The following NCOA5 variants were observed in gnomAD, a reference collection of about 807,000 sequenced individuals.
NCOA5 encodes the protein nuclear receptor coactivator 5.
NCOA5 carries 12 observed loss-of-function variants against 59.0 expected under a neutral mutation model. That is an observed-to-expected ratio of 0.20 (90% confidence interval 0.13 to 0.33). The LOEUF is 0.33. Ranked by LOEUF, NCOA5 falls within the 10% of genes least tolerant of loss-of-function variation. The pLI is 1.00. For missense variants in NCOA5, 655 were observed against 766.6 expected (o/e 0.85, Z 1.72); for synonymous variants, 270 against 275.5 (o/e 0.98, Z 0.20).
chr20:46,068,090 C>G lies in NCOA5; in HGVS notation c.502+412G>C, dbSNP rs1345458036. Among the ~76,000 whole-genome samples, 7 of 152,050 alleles carry G rather than the reference C, an allele frequency of 4.6e-5. No individual in the cohort carries two copies. In the East Asian group the frequency reaches 1.4e-3, roughly 29 times the overall value. On this transcript the variant is annotated intron_variant, in intron 4 of 7. Transcript: ENST00000290231. ...GGACTACAGGTGTGCACCACTGCAC[C>G]AAGACAATTTTTGTATTTTTTTTTG...
chr20:46,088,993 G>C (rs1266593926), intron 1 of NCOA5, among the ~76,000 whole-genome samples: 1 of 152,206 alleles, frequency 6.6e-6, no homozygotes, highest in Middle Eastern at 3.4e-3. Flanking sequence ...TATTTAAGGA[G>C]AAAAAAAGAG....
intron 1 of NCOA5, among the ~76,000 whole-genome samples, chr20:46,084,551 C>T (rs890522539): frequency 3.3e-5 from 5 of 152,284 alleles, no homozygotes; most frequent in South Asian, 2.1e-4. Flanking sequence ...ACAACTCTTC[C>T]GACAAAAATT....
At chr20:46,070,605 T>A (rs534373737) in intron 2 of NCOA5, 69 bp from the exon 3 acceptor site, 1 of 1,452,956 alleles carries the variant, frequency 6.9e-7, no homozygotes. Flanking sequence ...GCTCTTCATA[T>A]GAGAAAACCC....
chr20:46,065,024 T>C lies in NCOA5; in HGVS notation c.829+5A>G. On this transcript the variant is annotated splice_donor_5th_base_variant and intron_variant, in intron 6 of 7. Coordinates refer to ENST00000290231, the MANE Select transcript of NCOA5 (RefSeq NM_020967.3). ...GTGACTACCTCCGGTATTCTGACTC[T>C]GTACCTTGCGGGGTTCCAAACATGA... is the stretch of plus-strand genomic sequence containing the variant. 6.2e-7 allele frequency: 1 copy of C among 1,614,114 alleles called. No individual in the cohort carries two copies. Among genetic ancestry groups the C allele is most frequent in the East Asian group, 2.2e-5 (1 of 44,886 alleles).
intron 2 of NCOA5, among the ~76,000 whole-genome samples, chr20:46,070,876 G>A (rs1297639949): frequency 6.6e-6 from 1 of 152,122 alleles, no homozygotes; most frequent in Admixed American, 6.5e-5. Flanking sequence ...GAGTGACAGA[G>A]TAAGGAGGCA....
At position 46,070,453 on chromosome 20, in the gene NCOA5, T is replaced by C; in HGVS notation, c.122A>G (p.Asp41Gly). 1 of 1,614,136 alleles carries C rather than the reference T, an allele frequency of 6.2e-7. No homozygotes were observed. Among genetic ancestry groups the C allele is most frequent in the Non-Finnish European group, 8.5e-7 (1 of 1,180,024 alleles). ...CCGGGCATCCCGGCCATTTCTGCCATCCCTGGGCTCTCTCCTTGGACTTCC... is the reference window on the plus strand; with the variant it reads ...CCGGGCATCCCGGCCATTTCTGCCACCCCTGGGCTCTCTCCTTGGACTTCC... ...IRGSPRREPR[D>G]GRNGRDARDS... The change falls in exon 3 of 8, where the codon GAT becomes GGT. Residue 41 changes from aspartate (D) to glycine (G), a missense_variant. By Grantham distance (94) the Asp-to-Gly change is moderately conservative. This residue lies in a region of NCOA5 where 250 missense variants were observed against 260.1 expected (regional missense o/e 0.96). Coordinates refer to ENST00000290231, the MANE Select transcript of NCOA5 (RefSeq NM_020967.3).
rs374995897 is a variant in NCOA5, at chr20:46,065,006, C to T, written c.829+23G>A. ...AGGACTAATAATGGACTAGTGACTACCTCCGGTATTCTGACTCTGTACCTT... is the reference window on the plus strand; with the variant it reads ...AGGACTAATAATGGACTAGTGACTATCTCCGGTATTCTGACTCTGTACCTT... On this transcript the variant is annotated intron_variant, in intron 6 of 7. Transcript: ENST00000290231. The T allele has an allele frequency of 3.6e-4, 574 of 1,613,064 alleles. 1 individual carries two copies. The highest frequency in any genetic ancestry group is 4.6e-4 in the Non-Finnish European group (541 of 1,179,478).
chr20:46,082,154 ACCAGAAAATAAT>A (rs879755930), intron 1 of NCOA5, among the ~76,000 whole-genome samples: 100 of 152,310 alleles, frequency 6.6e-4, no homozygotes, highest in Non-Finnish European at 1.3e-3. Flanking sequence ...AAAGGAAGAA[ACCAGAAAATAAT>A]CCAGAAAACA....
chr20:46,072,675 A>G (rs1275777624), intron 2 of NCOA5, among the ~76,000 whole-genome samples: 1 of 152,206 alleles, frequency 6.6e-6, no homozygotes, highest in Non-Finnish European at 1.5e-5. Context: ...TTACGTGAGT[A>G]GCAGGAAGAG....
intron 2 of NCOA5, among the ~76,000 whole-genome samples, chr20:46,075,752 TGAA>T (rs1476573868): frequency 1.3e-5 from 2 of 152,322 alleles, no homozygotes; most frequent in Non-Finnish European, 2.9e-5. Flanking sequence ...ATCCTGTCTT[TGAA>T]GAAGGACTAA....
intron 2 of NCOA5, among the ~76,000 whole-genome samples, chr20:46,076,939 AG>A (rs1229717054): frequency 6.6e-6 from 1 of 152,238 alleles, no homozygotes; most frequent in Non-Finnish European, 1.5e-5. Context: ...TTTTTGAGAC[AG>A]GGACTCACTC....
In NCOA5 at chr20:46,061,828, CCA is replaced by C. The variant is rs2084767126; in HGVS notation, c.*470_*471del. ...TATGATGACACTGTGCCTGCCAAGG[CCA>C]GTTTGCTTTTCTTCAACTCTAGGCA... On this transcript the variant is annotated 3_prime_UTR_variant, in exon 8 of 8. Transcript: ENST00000290231. The C allele has an allele frequency of 6.4e-6, 1 of 155,050 alleles. No homozygotes were observed. Among genetic ancestry groups the C allele is most frequent in the Non-Finnish European group, 1.4e-5 (1 of 69,892 alleles). 9.6% of individuals were successfully genotyped at this position (155,050 alleles called of 1,614,324 possible).
chr20:46,070,127 C>T (rs762428690), intron 3 of NCOA5, 83 bp downstream of exon 3: 1 of 1,094,090 alleles, frequency 9.1e-7, no homozygotes, highest in African/African-American at 1.6e-5. Context: ...AAAATGACTG[C>T]TCTTACAGAG....
intron 3 of NCOA5, among the ~76,000 whole-genome samples, chr20:46,069,852 G>C (rs1169452078): frequency 1.3e-5 from 2 of 152,016 alleles, no homozygotes; most frequent in Non-Finnish European, 2.9e-5. Flanking sequence ...CTTTTCAATT[G>C]TTTTGAGTGT....
intron 2 of NCOA5, among the ~76,000 whole-genome samples, chr20:46,071,594 T>C (rs1284027970): frequency 6.6e-6 from 1 of 152,230 alleles, no homozygotes; most frequent in African/African-American, 2.4e-5. Flanking sequence ...CCAACTTCTA[T>C]GTTAGAAAGC....
chr20:46,081,992 C>G (rs2084996746), intron 1 of NCOA5, among the ~76,000 whole-genome samples: 1 of 152,014 alleles, frequency 6.6e-6, no homozygotes. Context: ...AGCAAAGATT[C>G]AAGAAGTCAA....
chr20:46,080,420 G>A (rs1440130198), intron 1 of NCOA5, among the ~76,000 whole-genome samples: 1 of 152,132 alleles, frequency 6.6e-6, no homozygotes, highest in Non-Finnish European at 1.5e-5. Context: ...CTGCAGTAGA[G>A]TTTGTTCCCC....
intron 2 of NCOA5, among the ~76,000 whole-genome samples, chr20:46,073,750 GAGTATTATA>G (rs1672713501): frequency 6.6e-6 from 1 of 152,060 alleles, no homozygotes; most frequent in Non-Finnish European, 1.5e-5. Context: ...ACCACCTTCG[GAGTATTATA>G]AGTGTTATGT....
At chr20:46,066,057 G>C (rs1405038702) in intron 5 of NCOA5, among the ~76,000 whole-genome samples, 2 of 152,164 alleles carry the variant, frequency 1.3e-5, no homozygotes, top group African/African-American at 4.8e-5. Flanking sequence ...ACAGCCAAGA[G>C]CCTGTGAACT....
Sources: gnomAD v4.1 joint callset for allele counts (sites outside exome capture counted in the v4.1 genomes callset) on GRCh38, gnomAD v4.1.1 for gene constraint, gnomAD v4.1.1 regional missense constraint, MANE v1.5 for transcripts, NCBI Gene and HGNC (gene_info 2026-07-23, HGNC 2026-07-21) for gene names.